Variants in ANKRD44 observed in about 807,000 individuals in gnomAD.
ANKRD44 encodes ankyrin repeat domain 44, also known as serine/threonine-protein phosphatase 6 regulatory ankyrin repeat subunit B.
In ANKRD44, 35 loss-of-function variants were observed where a neutral mutation model predicts 116.0. The ratio of observed to expected loss-of-function variants is 0.30; its 90% CI spans 0.23 to 0.40. ANKRD44 has a LOEUF of 0.40. Ranked by LOEUF, ANKRD44 falls within the 10% of genes least tolerant of loss-of-function variation. The pLI is 1.00. For missense variants in ANKRD44, 1,014 were observed against 1,242.6 expected (o/e 0.82, Z 2.77); for synonymous variants, 435 against 461.8 (o/e 0.94, Z 0.74).
At chr2:197,227,660 A>G (rs183745798) in intron 1 of ANKRD44, among the ~76,000 whole-genome samples, 1 of 152,168 alleles carries the variant, frequency 6.6e-6, no homozygotes, top group African/African-American at 2.4e-5. Context: ...TGTGAGAATA[A>G]GGCATCAGAA....
At chr2:197,122,552 C>G in intron 7 of ANKRD44, 98 bp downstream of exon 7, 1 of 1,451,440 alleles carries the variant, frequency 6.9e-7, no homozygotes, top group Non-Finnish European at 9.2e-7. Flanking sequence ...AAACAATTCC[C>G]CTGCCCTTGA....
At chr2:197,179,056 G>C (rs2080439514) in intron 2 of ANKRD44, among the ~76,000 whole-genome samples, 1 of 106,764 alleles carries the variant, frequency 9.4e-6, no homozygotes, top group Admixed American at 1.1e-4. Context: ...GAGTGACAGA[G>C]AGAGACCCTG....
intron 1 of ANKRD44, among the ~76,000 whole-genome samples, chr2:197,296,817 A>G (rs1297913148): frequency 6.6e-6 from 1 of 152,212 alleles, no homozygotes; most frequent in Non-Finnish European, 1.5e-5. Flanking sequence ...AAAACCCCAA[A>G]TTAAAGTAAC....
chr2:197,024,031 G>GT (rs2076545790), intron 17 of ANKRD44, among the ~76,000 whole-genome samples: 1 of 152,158 alleles, frequency 6.6e-6, no homozygotes, highest in South Asian at 2.1e-4. Flanking sequence ...CTGTGAGTAT[G>GT]TGGGGAGACA....
At position 197,185,928 on chromosome 2, in the gene ANKRD44, C is replaced by G. The variant is rs191386745; in HGVS notation, c.111+1095G>C. On this transcript the variant is annotated intron_variant, in intron 2 of 27. Transcript: ENST00000282272. Reference sequence around the variant, plus strand: ...TAAATATCTTTGGCTTTGTGAGCCACTTATAGTCTGTTTCACAACTACCCA... The same window carrying G: ...TAAATATCTTTGGCTTTGTGAGCCAGTTATAGTCTGTTTCACAACTACCCA... Among the ~76,000 whole-genome samples the G allele has an allele frequency of 2.8e-3, 424 of 152,290 alleles. 1 individual carries two copies. The highest frequency in any genetic ancestry group is 9.4e-3 in the African/African-American group (389 of 41,556).
At chr2:197,130,151 A>T (rs1574511707) in intron 4 of ANKRD44, among the ~76,000 whole-genome samples, 1 of 152,234 alleles carries the variant, frequency 6.6e-6, no homozygotes, top group East Asian at 1.9e-4. Flanking sequence ...TACTGTAATC[A>T]TAGCAATTTC....
intron 25 of ANKRD44, among the ~76,000 whole-genome samples, chr2:196,997,385 G>C (rs989326424): frequency 6.7e-6 from 1 of 149,010 alleles, no homozygotes; most frequent in Non-Finnish European, 1.5e-5. Flanking sequence ...ACATAACGAA[G>C]TTTTGTAAAA....
intron 1 of ANKRD44, among the ~76,000 whole-genome samples, chr2:197,221,382 A>T (rs2081583129): frequency 6.6e-6 from 1 of 151,992 alleles, no homozygotes; most frequent in African/African-American, 2.4e-5. Flanking sequence ...GACACAAGTG[A>T]TCCTCCCACC....
intron 16 of ANKRD44, among the ~76,000 whole-genome samples, chr2:197,052,512 T>A (rs1039298644): frequency 6.6e-6 from 1 of 152,030 alleles, no homozygotes; most frequent in Non-Finnish European, 1.5e-5. Context: ...GCCATCTAAT[T>A]ACTTACCTTA....
chr2:197,030,428 A>T (rs2076682964), intron 16 of ANKRD44, among the ~76,000 whole-genome samples: 1 of 152,188 alleles, frequency 6.6e-6, no homozygotes, highest in Non-Finnish European at 1.5e-5. Context: ...AGCAAGACAC[A>T]GGGATGCAGG....
intron 2 of ANKRD44, among the ~76,000 whole-genome samples, chr2:197,158,712 A>C (rs2079882736): frequency 6.6e-6 from 1 of 152,170 alleles, no homozygotes; most frequent in African/African-American, 2.4e-5. Flanking sequence ...CATCAGAGAC[A>C]TCCGGAGAGT....
At chr2:197,298,177 T>TTAAGAACTACACG (rs1193018205) in intron 1 of ANKRD44, among the ~76,000 whole-genome samples, 1 of 152,230 alleles carries the variant, frequency 6.6e-6, no homozygotes, top group Non-Finnish European at 1.5e-5. Context: ...ATTGAGACCT[T>TTAAGAACTACACG]GTAACTGTTT....
chr2:197,289,391 T>C (rs192121467), intron 1 of ANKRD44, among the ~76,000 whole-genome samples: 56 of 152,340 alleles, frequency 3.7e-4, no homozygotes, highest in Admixed American at 1.6e-3. Flanking sequence ...TTATCAGGTA[T>C]TATACAAGAG....
At chr2:197,073,852 C>T (rs899294144) in intron 16 of ANKRD44, among the ~76,000 whole-genome samples, 10 of 152,106 alleles carry the variant, frequency 6.6e-5, no homozygotes, top group African/African-American at 2.4e-4. Context: ...GAGGCAATGC[C>T]CCAGTGTCCT....
chr2:197,305,185 G>A (rs959791359), intron 1 of ANKRD44, among the ~76,000 whole-genome samples: 3 of 151,282 alleles, frequency 2.0e-5, no homozygotes, highest in Non-Finnish European at 4.4e-5. Flanking sequence ...GATGTGTCAG[G>A]AAAAAAAACA....
At chr2:197,041,080 C>T (rs2124953505) in intron 16 of ANKRD44, among the ~76,000 whole-genome samples, 1 of 152,338 alleles carries the variant, frequency 6.6e-6, no homozygotes, top group South Asian at 2.1e-4. Flanking sequence ...CCCCTCAGTA[C>T]TGTTCCACAA....
intron 1 of ANKRD44, among the ~76,000 whole-genome samples, chr2:197,282,715 T>C (rs2083300134): frequency 6.6e-6 from 1 of 152,136 alleles, no homozygotes; most frequent in Non-Finnish European, 1.5e-5. Flanking sequence ...TCCCAGAACT[T>C]TGGGAGGCCA....
chr2:197,013,721 A>T lies in ANKRD44; in HGVS notation c.1723-9T>A. 6.2e-7 allele frequency: 1 copy of T among 1,612,390 alleles called. No homozygotes were observed. Among genetic ancestry groups the T allele is most frequent in the Non-Finnish European group, 8.5e-7 (1 of 1,179,994 alleles). ...TGGTGCCCATTGTAGGCCTGCAAAGAAGAAACCAATGGCTCCCATGCTTGC... is the reference window on the plus strand; with the variant it reads ...TGGTGCCCATTGTAGGCCTGCAAAGTAGAAACCAATGGCTCCCATGCTTGC... On this transcript the variant is annotated splice_polypyrimidine_tract_variant and intron_variant, in intron 17 of 27. Coordinates refer to ENST00000282272, the MANE Select transcript of ANKRD44 (RefSeq NM_001195144.2).
chr2:197,043,729 C>T (rs768422734), intron 16 of ANKRD44, among the ~76,000 whole-genome samples: 27 of 151,762 alleles, frequency 1.8e-4, no homozygotes, highest in Non-Finnish European at 3.5e-4. Flanking sequence ...CCTTTATTTG[C>T]TGGACAACAG....
Sources: gnomAD v4.1 joint callset for allele counts (sites outside exome capture counted in the v4.1 genomes callset) on GRCh38, gnomAD v4.1.1 for gene constraint, MANE v1.5 for transcripts, NCBI Gene and HGNC (gene_info 2026-07-23, HGNC 2026-07-21) for gene names.